TMEM178B: variants seen among roughly 807,000 people sequenced by gnomAD.
TMEM178B encodes the protein transmembrane protein 178B.
Under a neutral mutation model 31.0 loss-of-function variants are expected in TMEM178B, and 5 were observed. The observed-to-expected ratio is 0.16, with a 90% CI of 0.08 to 0.34. The LOEUF (loss-of-function observed/expected upper bound fraction) is 0.34. Among genes scored for constraint, TMEM178B ranks in the 10% least tolerant of loss-of-function variants. The pLI, the probability that TMEM178B is intolerant of heterozygous loss-of-function variation, is 1.00. For synonymous variants in TMEM178B, 164 were observed against 164.0 expected, an observed-to-expected ratio of 1.00 and a Z score of 0.00; for missense variants, 275 against 400.3, an observed-to-expected ratio of 0.69 and a Z score of 2.67.
chr7:141,280,812 G>T (rs1412645079), intron 2 of TMEM178B, among the ~76,000 whole-genome samples: 2 of 152,114 alleles, frequency 1.3e-5, no homozygotes, highest in East Asian at 3.9e-4. Context: ...CCAGACCCTG[G>T]GTCTCGGGGG....
At chr7:141,212,461 C>G in intron 1 of TMEM178B, 130 bp from the exon 2 acceptor site, 1 of 692,262 alleles carries the variant, frequency 1.4e-6, no homozygotes, top group South Asian at 1.8e-5. Context: ...AAGGTATTGT[C>G]TTTCTGTAGT....
intron 2 of TMEM178B, among the ~76,000 whole-genome samples, chr7:141,375,256 A>C (rs1464723016): frequency 1.3e-5 from 2 of 152,202 alleles, no homozygotes; most frequent in African/African-American, 4.8e-5. Flanking sequence ...ACTCTGACAC[A>C]ATGGAAAGGT....
intron 2 of TMEM178B, among the ~76,000 whole-genome samples, chr7:141,331,798 G>A (rs970360947): frequency 6.6e-6 from 1 of 152,200 alleles, no homozygotes; most frequent in African/African-American, 2.4e-5. Flanking sequence ...CTTCAGAAAG[G>A]GTGAGGGCTT....
intron 1 of TMEM178B, among the ~76,000 whole-genome samples, chr7:141,082,504 C>T (rs2159716): frequency 0.043 from 6,482 of 152,336 alleles, 395 homozygotes; most frequent in African/African-American, 0.14. Context: ...CACCTCCTTG[C>T]GTATACGCCA....
chr7:141,315,233 T>A (rs932748581), intron 2 of TMEM178B, among the ~76,000 whole-genome samples: 2 of 152,208 alleles, frequency 1.3e-5, no homozygotes, highest in African/African-American at 4.8e-5. Context: ...TGCACCTCTG[T>A]CAGATAGATT....
At chr7:141,169,390 G>A (rs989513164) in intron 1 of TMEM178B, among the ~76,000 whole-genome samples, 4 of 152,176 alleles carry the variant, frequency 2.6e-5, no homozygotes, top group African/African-American at 4.8e-5. Flanking sequence ...CTTTTTTATG[G>A]CTGCATAGTA....
chr7:141,361,710 GT>G, intron 2 of TMEM178B, among the ~76,000 whole-genome samples: 1 of 152,178 alleles, frequency 6.6e-6, no homozygotes, highest in East Asian at 1.9e-4. Flanking sequence ...TCTCTTGATT[GT>G]CTCCATGACA....
intron 1 of TMEM178B, among the ~76,000 whole-genome samples, chr7:141,173,416 A>G (rs1796378595): frequency 6.6e-6 from 1 of 152,286 alleles, no homozygotes. Flanking sequence ...ACAGAGTTGA[A>G]CGAGTCAGTT....
At chr7:141,113,691 C>T (rs1464431645) in intron 1 of TMEM178B, among the ~76,000 whole-genome samples, 1 of 152,136 alleles carries the variant, frequency 6.6e-6, no homozygotes, top group Non-Finnish European at 1.5e-5. Context: ...TGAGCTGGGC[C>T]GTCCTCAGTC....
intron 2 of TMEM178B, among the ~76,000 whole-genome samples, chr7:141,435,589 A>G (rs535369230): frequency 2.0e-5 from 3 of 152,252 alleles, no homozygotes; most frequent in African/African-American, 7.2e-5. Context: ...AGATGGAGGG[A>G]GAGGACGGCA....
intron 1 of TMEM178B, among the ~76,000 whole-genome samples, chr7:141,151,041 T>G (rs1323398936): frequency 6.6e-6 from 1 of 152,218 alleles, no homozygotes; most frequent in Non-Finnish European, 1.5e-5. Context: ...CAAATGTCAT[T>G]CATTTAATTA....
rs6971943 is a variant in TMEM178B at position 141,422,968 on chromosome 7, G to T, written c.497-14640G>T. Among the ~76,000 whole-genome samples the T allele has an allele frequency of 6.6e-6, 1 of 151,916 alleles. No homozygotes were observed. The highest frequency in any genetic ancestry group is 1.5e-5 in the Non-Finnish European group (1 of 67,988). On this transcript the variant is annotated intron_variant, in intron 2 of 3. Coordinates refer to ENST00000565468, the MANE Select transcript of TMEM178B (RefSeq NM_001195278.2). This position sits in a 1 kb window ranked among gnomAD's most constrained non-coding sequence, Gnocchi z 4.2. Reference sequence around the variant, plus strand: ...GTCCCATGGAAATATCGTGCAAACCGCATGTGTAACTTAAAATGTTCTATT... The same window carrying T: ...GTCCCATGGAAATATCGTGCAAACCTCATGTGTAACTTAAAATGTTCTATT...
chr7:141,180,979 C>CCCACCCATCCAT, intron 1 of TMEM178B, among the ~76,000 whole-genome samples: 1 of 152,202 alleles, frequency 6.6e-6, no homozygotes, highest in East Asian at 1.9e-4. Context: ...CATCCTCCTC[C>CCCACCCATCCAT]CCACCCATCC....
chr7:141,093,072 G>A (rs1177985415), intron 1 of TMEM178B, among the ~76,000 whole-genome samples: 1 of 152,216 alleles, frequency 6.6e-6, no homozygotes, highest in African/African-American at 2.4e-5. Context: ...GTCATAGGAA[G>A]CACTGCAGGA....
At chr7:141,464,411 A>T (rs1802115381) in intron 3 of TMEM178B, among the ~76,000 whole-genome samples, 1 of 152,040 alleles carries the variant, frequency 6.6e-6, no homozygotes, top group African/African-American at 2.4e-5. Flanking sequence ...CAGATCGGGG[A>T]CCCACCATTC....
chr7:141,306,364 C>T (rs55710830), intron 2 of TMEM178B, among the ~76,000 whole-genome samples: 2,651 of 152,124 alleles, frequency 0.017, 80 homozygotes, highest in African/African-American at 0.06. Context: ...AGGAGGGATG[C>T]GTTTTTGTGG....
intron 1 of TMEM178B, among the ~76,000 whole-genome samples, chr7:141,203,164 A>C (rs563665522): frequency 3.3e-4 from 51 of 152,316 alleles, no homozygotes; most frequent in African/African-American, 1.2e-3. Flanking sequence ...CTTTTTTGAG[A>C]AAATGCTCTT....
In TMEM178B at chr7:141,101,076, A is replaced by G. The variant is rs1048861335; in HGVS notation, c.382+26384A>G. On this transcript the variant is annotated intron_variant, in intron 1 of 3. Coordinates refer to ENST00000565468, the MANE Select transcript of TMEM178B (RefSeq NM_001195278.2). ...GAAAGGAGATAATGTAAATTTCCAC[A>G]GGCTCGATTTGATTACTTTTCTAAG... Among the ~76,000 whole-genome samples the G allele has an allele frequency of 2.1e-4, 32 of 152,250 alleles. 1 individual carries two copies. Among genetic ancestry groups the G allele is most frequent in the Admixed American group, 1.7e-3 (26 of 15,286 alleles).
intron 2 of TMEM178B, among the ~76,000 whole-genome samples, chr7:141,428,601 G>A (rs1586953594): frequency 6.6e-6 from 1 of 152,108 alleles, no homozygotes; most frequent in South Asian, 2.1e-4. Flanking sequence ...AACACACTGT[G>A]TGTGCAGCCC....
Sources: gnomAD v4.1 joint callset for allele counts (sites outside exome capture counted in the v4.1 genomes callset) on GRCh38, gnomAD v4.1.1 for gene constraint, Gnocchi (gnomAD v3.1) non-coding constraint, MANE v1.5 for transcripts, NCBI Gene and HGNC (gene_info 2026-07-23, HGNC 2026-07-21) for gene names.